The following ZNF254 variants were observed in gnomAD, a reference collection of about 807,000 sequenced individuals.
ZNF254 encodes the protein CTD-2017D11.1.
A neutral mutation model predicts 12.4 loss-of-function variants in ZNF254; 10 were observed. The observed-to-expected ratio is 0.80, with a 90% CI of 0.50 to 1.36. ZNF254 has a LOEUF of 1.36. ZNF254 is among the 40% of genes most tolerant of loss of function. The pLI is 0.00. For missense variants in ZNF254, 996 were observed against 763.9 expected (o/e 1.30, Z -3.58); for synonymous variants, 305 against 253.4 (o/e 1.20, Z -1.93).
chr19:24,119,763 T>C (rs367617350), intron 3 of ZNF254, among the ~76,000 whole-genome samples: 1 of 152,092 alleles, frequency 6.6e-6, no homozygotes, highest in African/African-American at 2.4e-5. Context: ...AGTCCTGAGA[T>C]TACATTTCTT....
At chr19:24,116,102 G>C (rs191268662) in intron 3 of ZNF254, among the ~76,000 whole-genome samples, 22 of 152,134 alleles carry the variant, frequency 1.4e-4, no homozygotes, top group Admixed American at 1.1e-3. Context: ...TGGGTAGTCC[G>C]ACCTTTCTCT....
intron 2 of ZNF254, among the ~76,000 whole-genome samples, chr19:24,053,260 A>G (rs1970714812): frequency 6.6e-6 from 1 of 152,254 alleles, no homozygotes; most frequent in Non-Finnish European, 1.5e-5. Context: ...TCTCATGCAC[A>G]AATCCAGACC....
intron 1 of ZNF254, among the ~76,000 whole-genome samples, chr19:24,099,391 G>A (rs1315663523): frequency 6.6e-6 from 1 of 152,172 alleles, no homozygotes; most frequent in South Asian, 2.1e-4. Flanking sequence ...TGAGCCCTGC[G>A]CTATGGGCTG....
chr19:24,059,874 C>T (rs889804487), intron 2 of ZNF254, among the ~76,000 whole-genome samples: 1 of 152,130 alleles, frequency 6.6e-6, no homozygotes. Flanking sequence ...GGACTGACAC[C>T]TAGGGGATGA....
rs551194477 is a variant in ZNF254 at position 24,038,909 on chromosome 19, G to T, written c.-190+5288G>T. ...CCATTTGGCCTGAAAACTCAACCAGGTTCACACATTTGCATTGAGTAAGCC... is the reference window on the plus strand; with the variant it reads ...CCATTTGGCCTGAAAACTCAACCAGTTTCACACATTTGCATTGAGTAAGCC... On this transcript the variant is annotated intron_variant, in intron 1 of 4. Coordinates refer to the ZNF254 transcript ENST00000613065. Among the ~76,000 whole-genome samples the T allele has an allele frequency of 2.6e-5, 4 of 152,278 alleles. No homozygotes were observed. In the South Asian group the frequency reaches 8.3e-4, roughly 32 times the overall value.
chr19:24,096,839 G>T (rs1044848635), intron 1 of ZNF254, among the ~76,000 whole-genome samples: 3 of 152,166 alleles, frequency 2.0e-5, no homozygotes, highest in African/African-American at 4.8e-5. Flanking sequence ...GTGAACCCAT[G>T]AATTTTATAC....
intron 2 of ZNF254, among the ~76,000 whole-genome samples, chr19:24,073,639 T>G (rs1971557676): frequency 6.6e-6 from 1 of 152,178 alleles, no homozygotes; most frequent in South Asian, 2.1e-4. Context: ...GCTGGAAAAT[T>G]GACTCTCATA....
intron 1 of ZNF254, among the ~76,000 whole-genome samples, chr19:24,102,747 G>A (rs1026835704): frequency 2.0e-5 from 3 of 152,146 alleles, no homozygotes; most frequent in African/African-American, 4.8e-5. Context: ...TTAGCAACTT[G>A]TTTTCTGTTC....
At chr19:24,081,656 G>T (rs552522513) in intron 2 of ZNF254, among the ~76,000 whole-genome samples, 3 of 152,206 alleles carry the variant, frequency 2.0e-5, no homozygotes, top group Non-Finnish European at 2.9e-5. Context: ...CTTTAGTAAG[G>T]CCTGTTCAGC....
Position 24,127,057 on chromosome 19 carries a change from G to A in ZNF254, c.1057G>A (p.Glu353Lys). The A allele has an allele frequency of 3.7e-6, 6 of 1,613,446 alleles. No individual in the cohort carries two copies. The highest frequency in any genetic ancestry group is 5.1e-6 in the Non-Finnish European group (6 of 1,179,770). Residue 353 changes from glutamate to lysine, a missense_variant, in exon 4 of 4, where the codon GAA becomes AAA. Coordinates refer to ENST00000357002, the MANE Select transcript of ZNF254 (RefSeq NM_203282.4). Reference protein sequence around the residue: ...MHTGEKPYKCEECGKAFSQSS... With the variant: ...MHTGEKPYKCKECGKAFSQSS... ...CACTGGAGAGAAACCCTACAAATGT[G>A]AAGAATGTGGCAAAGCTTTTAGCCA... is the stretch of plus-strand genomic sequence containing the variant.
At chr19:24,111,370 G>A (rs979663578) in intron 3 of ZNF254, among the ~76,000 whole-genome samples, 1 of 152,166 alleles carries the variant, frequency 6.6e-6, no homozygotes, top group African/African-American at 2.4e-5. Flanking sequence ...CATTTGGGTT[G>A]GTTCCAAGTC....
chr19:24,086,730 G>A (rs1972054801), upstream of ZNF254, among the ~76,000 whole-genome samples: 1 of 152,172 alleles, frequency 6.6e-6, no homozygotes, highest in Admixed American at 6.5e-5. Flanking sequence ...GCCCGCCTTG[G>A]CCATCGAAAG....
intron 1 of ZNF254, among the ~76,000 whole-genome samples, chr19:24,090,489 C>T (rs140294952): frequency 1.4e-3 from 217 of 151,912 alleles, no homozygotes; most frequent in Middle Eastern, 3.4e-3. Context: ...CAGGCTGGAG[C>T]GCAGTGGTAC....
intron 3 of ZNF254, among the ~76,000 whole-genome samples, chr19:24,121,710 A>T (rs79639437): frequency 0.017 from 2,577 of 152,076 alleles, 85 homozygotes; most frequent in African/African-American, 0.058. Context: ...GGCGCCCACT[A>T]CCAAGCCTGG....
chr19:24,039,984 A>G (rs7260598), intron 1 of ZNF254, among the ~76,000 whole-genome samples: 23,963 of 152,196 alleles, frequency 0.16, 1,914 homozygotes, highest in Middle Eastern at 0.18. Context: ...TGCAAAATAG[A>G]GAAGAGGCTT....
rs149836993 is a variant in ZNF254 at position 24,088,305 on chromosome 19, C to T, written c.30+968C>T. Among the ~76,000 whole-genome samples the T allele has an allele frequency of 2.1e-3, 316 of 152,090 alleles. 2 individuals are homozygous for T. The highest frequency in any genetic ancestry group is 7.3e-3 in the African/African-American group (302 of 41,500). On this transcript the variant is annotated intron_variant, in intron 1 of 3. Coordinates refer to ENST00000357002, the MANE Select transcript of ZNF254 (RefSeq NM_203282.4). Reference sequence around the variant, plus strand: ...CTTGGTTAAGCAAGAATTTTGTTTCCGCTAATGTAGTAATTTACCAAAAAA... The same window carrying T: ...CTTGGTTAAGCAAGAATTTTGTTTCTGCTAATGTAGTAATTTACCAAAAAA...
At chr19:24,121,102 G>A (rs1974450850) in intron 3 of ZNF254, among the ~76,000 whole-genome samples, 1 of 150,884 alleles carries the variant, frequency 6.6e-6, no homozygotes, top group Non-Finnish European at 1.5e-5. Flanking sequence ...TTTTATTTTG[G>A]AGATTTTTAG....
chr19:24,063,553 A>T (rs552245869), intron 2 of ZNF254, among the ~76,000 whole-genome samples: 1 of 152,180 alleles, frequency 6.6e-6, no homozygotes, highest in South Asian at 2.1e-4. Flanking sequence ...TCCAACGACC[A>T]GGTGATGTAA....
At chr19:24,119,427 G>A (rs557649498) in intron 3 of ZNF254, among the ~76,000 whole-genome samples, 1 of 152,038 alleles carries the variant, frequency 6.6e-6, no homozygotes, top group Admixed American at 6.6e-5. Flanking sequence ...CCTGACCTCA[G>A]GTGATCCACC....
Sources: gnomAD v4.1 joint callset for allele counts (sites outside exome capture counted in the v4.1 genomes callset) on GRCh38, gnomAD v4.1.1 for gene constraint, MANE v1.5 for transcripts, NCBI Gene and HGNC (gene_info 2026-07-23, HGNC 2026-07-21) for gene names.